The following NRG1 variants were observed in gnomAD, a reference collection of about 807,000 sequenced individuals.
NRG1 encodes the protein pro-neuregulin-1, membrane-bound isoform.
In NRG1, 18 loss-of-function variants were observed where a neutral mutation model predicts 63.8. The observed-to-expected ratio is 0.28, with a 90% CI of 0.19 to 0.42. The LOEUF is 0.42. Ranked by LOEUF, NRG1 falls within the 10% of genes least tolerant of loss-of-function variation. The pLI is 1.00. For synonymous variants in NRG1, 302 were observed against 301.3 expected, an observed-to-expected ratio of 1.00 and a Z score of -0.02; for missense variants, 762 against 814.7, an observed-to-expected ratio of 0.94 and a Z score of 0.79.
At chr8:31,940,065 A>G (rs1016867133) in intron 1 of NRG1, among the ~76,000 whole-genome samples, 1 of 152,150 alleles carries the variant, frequency 6.6e-6, no homozygotes, top group African/African-American at 2.4e-5. Flanking sequence ...ACAGATATTT[A>G]TAGAACATTC....
At chr8:31,838,916 T>C (rs1825930503) in intron 1 of NRG1, among the ~76,000 whole-genome samples, 1 of 152,222 alleles carries the variant, frequency 6.6e-6, no homozygotes, top group South Asian at 2.1e-4. Flanking sequence ...ATTCACTATT[T>C]CCTCCAGAAC....
At chr8:31,824,982 G>C (rs905073979) in intron 1 of NRG1, among the ~76,000 whole-genome samples, 1 of 152,194 alleles carries the variant, frequency 6.6e-6, no homozygotes, top group South Asian at 2.1e-4. Context: ...TATATGTTTT[G>C]TGTTTATTAG....
At chr8:32,224,982 T>G (rs1846176031) in intron 1 of NRG1, among the ~76,000 whole-genome samples, 1 of 152,162 alleles carries the variant, frequency 6.6e-6, no homozygotes, top group Admixed American at 6.5e-5. Context: ...GAAACAGGTG[T>G]TATATTTTAA....
intron 1 of NRG1, among the ~76,000 whole-genome samples, chr8:32,160,413 T>G (rs1249934357): frequency 6.6e-6 from 1 of 152,242 alleles, no homozygotes; most frequent in Non-Finnish European, 1.5e-5. Flanking sequence ...ACCATTGTTG[T>G]TATTTTCATT....
intron 5 of NRG1, among the ~76,000 whole-genome samples, chr8:32,633,530 C>T (rs1462313364): frequency 2.0e-5 from 3 of 152,122 alleles, no homozygotes; most frequent in Non-Finnish European, 4.4e-5. Context: ...ATTTCAGATA[C>T]TTAGACATGC....
chr8:32,403,153 G>A (rs1301994839), intron 1 of NRG1, among the ~76,000 whole-genome samples: 4 of 151,956 alleles, frequency 2.6e-5, no homozygotes, highest in Non-Finnish European at 5.9e-5. Flanking sequence ...ATAAAAATTA[G>A]CCAGGCACAG....
chr8:32,058,310 G>A (rs1823299120), intron 1 of NRG1, among the ~76,000 whole-genome samples: 1 of 151,946 alleles, frequency 6.6e-6, no homozygotes, highest in Non-Finnish European at 1.5e-5. Context: ...CTATATAAAA[G>A]TTATACATAG....
At chr8:32,030,631 G>A (rs778425179) in intron 1 of NRG1, among the ~76,000 whole-genome samples, 2 of 152,010 alleles carry the variant, frequency 1.3e-5, no homozygotes, top group African/African-American at 2.4e-5. Context: ...TAGAGACTCC[G>A]TTGGGGATGA....
At chr8:32,348,765 G>A (rs1805226259) in intron 1 of NRG1, among the ~76,000 whole-genome samples, 1 of 152,124 alleles carries the variant, frequency 6.6e-6, no homozygotes, top group South Asian at 2.1e-4. Flanking sequence ...TATATTTTAT[G>A]AGAATTTGCA....
intron 1 of NRG1, among the ~76,000 whole-genome samples, chr8:32,044,429 C>T (rs941182727): frequency 2.0e-5 from 3 of 151,684 alleles, no homozygotes; most frequent in Non-Finnish European, 4.4e-5. Context: ...TATAGAAAAG[C>T]TGAAGGAAAA....
chr8:32,182,334 C>T (rs1442608584), intron 1 of NRG1, among the ~76,000 whole-genome samples: 1 of 151,318 alleles, frequency 6.6e-6, no homozygotes, highest in Non-Finnish European at 1.5e-5. Context: ...ACAACCTCTG[C>T]CTCCTGGGTT....
intron 1 of NRG1, among the ~76,000 whole-genome samples, chr8:31,804,300 C>T (rs1393421728): frequency 3.3e-5 from 5 of 152,208 alleles, no homozygotes. Flanking sequence ...CCCAGCCTGT[C>T]TAGTGTATCC....
intron 1 of NRG1, among the ~76,000 whole-genome samples, chr8:31,745,983 G>A (rs1240152975): frequency 1.3e-5 from 2 of 151,872 alleles, no homozygotes; most frequent in Admixed American, 6.6e-5. Flanking sequence ...AGAATAATTT[G>A]TGCTGCCTCT....
intron 1 of NRG1, among the ~76,000 whole-genome samples, chr8:32,151,938 G>A (rs1213825096): frequency 6.6e-6 from 1 of 152,176 alleles, no homozygotes; most frequent in East Asian, 1.9e-4. Context: ...AAGAGAGAGA[G>A]AGAAAAATGA....
At chr8:32,296,162 T>C (rs1854841009) in intron 1 of NRG1, among the ~76,000 whole-genome samples, 1 of 152,206 alleles carries the variant, frequency 6.6e-6, no homozygotes, top group South Asian at 2.1e-4. Context: ...AGTGCAGTCA[T>C]TGAAGATTTG....
intron 1 of NRG1, among the ~76,000 whole-genome samples, chr8:32,390,187 C>T (rs565876766): frequency 3.3e-5 from 5 of 152,268 alleles, no homozygotes; most frequent in African/African-American, 9.6e-5. Flanking sequence ...TCTGGTGTCC[C>T]TGATTCTGGA....
At position 32,487,782 on chromosome 8, in the gene NRG1, G is replaced by A. The variant is rs181886207; in HGVS notation, c.38-108046G>A. Among the ~76,000 whole-genome samples, 98 of 152,260 alleles carry A rather than the reference G, an allele frequency of 6.4e-4. 1 individual carries two copies. Among genetic ancestry groups the A allele is most frequent in the Admixed American group, 3.2e-3 (49 of 15,302 alleles). ...ATTTCTCTACACGTTAGAGTCTTAA[G>A]GATTTTTAAAGAGAGCAGGTCTACT... On this transcript the variant is annotated intron_variant, in intron 1 of 10. Coordinates refer to the NRG1 transcript ENST00000519301.
intron 1 of NRG1, among the ~76,000 whole-genome samples, chr8:31,734,820 C>T (rs1046894254): frequency 2.0e-5 from 3 of 152,088 alleles, no homozygotes; most frequent in South Asian, 2.1e-4. Context: ...TACACATACC[C>T]TCCTCTCCTG....
At chr8:32,197,410 C>T (rs1437767154) in intron 1 of NRG1, among the ~76,000 whole-genome samples, 1 of 152,182 alleles carries the variant, frequency 6.6e-6, no homozygotes, top group African/African-American at 2.4e-5. Flanking sequence ...GTTTCATGCT[C>T]TCTCTTAAAG....
Sources: allele counts gnomAD v4.1 joint callset (sites outside exome capture counted in the v4.1 genomes callset), GRCh38; gene constraint gnomAD v4.1.1; transcripts MANE v1.5; gene names NCBI Gene and HGNC (gene_info 2026-07-23, HGNC 2026-07-21).